TBC1D22A: variants seen among roughly 807,000 people sequenced by gnomAD.
TBC1D22A encodes the protein putative GTPase activator.
In TBC1D22A, 38 loss-of-function variants were observed where a neutral mutation model predicts 60.2. The observed-to-expected ratio is 0.63, with a 90% CI of 0.49 to 0.83. TBC1D22A has a LOEUF of 0.83. Ranked by LOEUF, TBC1D22A falls within the 40% of genes least tolerant of loss-of-function variation. The probability of loss-of-function intolerance (pLI) is 0.00; values close to 1 mark genes in which losing one functional copy is unlikely to be tolerated. For missense variants in TBC1D22A, 628 were observed against 701.0 expected (o/e 0.90, Z 1.18); for synonymous variants, 302 against 281.7 (o/e 1.07, Z -0.72).
intron 4 of TBC1D22A, among the ~76,000 whole-genome samples, chr22:46,851,958 C>T (rs1167894802): frequency 2.0e-5 from 3 of 152,194 alleles, no homozygotes; most frequent in South Asian, 2.1e-4. Flanking sequence ...TCCTCACAGC[C>T]CCTGGCTTTG....
intron 9 of TBC1D22A, among the ~76,000 whole-genome samples, chr22:46,977,454 AG>A (rs1602763035): frequency 1.3e-5 from 2 of 152,220 alleles, no homozygotes; most frequent in East Asian, 3.9e-4. Context: ...GGTGGGATGG[AG>A]CAGGGGGAGT....
chr22:47,045,595 G>A (rs185506629), intron 11 of TBC1D22A, among the ~76,000 whole-genome samples: 5 of 152,314 alleles, frequency 3.3e-5, no homozygotes, highest in Non-Finnish European at 4.4e-5. Flanking sequence ...GCAGCAGAAC[G>A]GGCAGTGTTG....
In TBC1D22A at chr22:47,151,730, C is replaced by G. The variant is rs73889426; in HGVS notation, c.1426-21768C>G. ...GTGTGGTCACCAGTGACCTTACTCT[C>G]CTGGAAGCCCTGCGTCTGCTCTGGG... On this transcript the variant is annotated intron_variant, in intron 12 of 12. Transcript: ENST00000337137. Among the ~76,000 whole-genome samples the G allele has an allele frequency of 4.6e-3, 696 of 152,338 alleles. 8 individuals carry two copies. The highest frequency in any genetic ancestry group is 0.016 in the African/African-American group (654 of 41,572).
chr22:46,849,250 G>A (rs369594434), intron 4 of TBC1D22A, among the ~76,000 whole-genome samples: 75 of 152,286 alleles, frequency 4.9e-4, no homozygotes, highest in African/African-American at 1.6e-3. Flanking sequence ...GTCCAAGTGG[G>A]TCTCCAGACG....
intron 10 of TBC1D22A, among the ~76,000 whole-genome samples, chr22:47,030,263 C>T (rs1173042722): frequency 1.3e-5 from 2 of 152,178 alleles, no homozygotes; most frequent in Non-Finnish European, 2.9e-5. Context: ...TTTTCTTTGT[C>T]AGGTGTCTAA....
At chr22:46,837,991 C>T (rs563176585) in intron 4 of TBC1D22A, among the ~76,000 whole-genome samples, 92 of 152,194 alleles carry the variant, frequency 6.0e-4, no homozygotes, top group South Asian at 6.2e-4. Context: ...ACCTGGGAGG[C>T]GGAGGTTGCA....
chr22:46,856,366 C>T (rs2087569678), intron 4 of TBC1D22A, among the ~76,000 whole-genome samples: 1 of 152,202 alleles, frequency 6.6e-6, no homozygotes, highest in East Asian at 1.9e-4. Context: ...CTGCTAACCT[C>T]AGAAGGGGTT....
At chr22:46,995,750 C>A (rs1212689363) in intron 9 of TBC1D22A, among the ~76,000 whole-genome samples, 7 of 152,128 alleles carry the variant, frequency 4.6e-5, no homozygotes, top group Non-Finnish European at 1.0e-4. Flanking sequence ...CACCCTTCCT[C>A]CACCTGCGGA....
intron 12 of TBC1D22A, among the ~76,000 whole-genome samples, chr22:47,138,926 C>A (rs1274263111): frequency 6.6e-6 from 1 of 152,202 alleles, no homozygotes; most frequent in Non-Finnish European, 1.5e-5. Flanking sequence ...TTCCCAAAGA[C>A]CCCGCTTCCT....
chr22:46,969,114 C>G (rs1338825276), intron 8 of TBC1D22A, among the ~76,000 whole-genome samples: 1 of 152,066 alleles, frequency 6.6e-6, no homozygotes, highest in Non-Finnish European at 1.5e-5. Flanking sequence ...AAAACATTCA[C>G]AAGGGGAGTA....
chr22:47,082,034 T>G (rs1170366482), intron 11 of TBC1D22A, among the ~76,000 whole-genome samples: 1 of 152,116 alleles, frequency 6.6e-6, no homozygotes, highest in East Asian at 1.9e-4. Flanking sequence ...GACGCATGCC[T>G]GTAGTCCCAG....
At chr22:47,085,567 A>C (rs1385753016) in intron 11 of TBC1D22A, among the ~76,000 whole-genome samples, 1 of 152,220 alleles carries the variant, frequency 6.6e-6, no homozygotes, top group Non-Finnish European at 1.5e-5. Context: ...AATAGGAGTG[A>C]TAGTATTCAG....
At chr22:47,042,496 A>T (rs131890) in intron 11 of TBC1D22A, among the ~76,000 whole-genome samples, 1 of 152,046 alleles carries the variant, frequency 6.6e-6, no homozygotes, top group Admixed American at 6.5e-5. Flanking sequence ...ACTCAGCATC[A>T]CAGCCTTCTG....
At chr22:47,060,594 C>A (rs540718442) in intron 11 of TBC1D22A, among the ~76,000 whole-genome samples, 3 of 152,158 alleles carry the variant, frequency 2.0e-5, no homozygotes, top group Non-Finnish European at 4.4e-5. Context: ...CCACGCCCAC[C>A]TAATTTTTTG....
chr22:46,977,946 TGG>T (rs2148148092), intron 9 of TBC1D22A, among the ~76,000 whole-genome samples: 1 of 152,326 alleles, frequency 6.6e-6, no homozygotes, highest in Non-Finnish European at 1.5e-5. Context: ...GAGATTTGGG[TGG>T]GGACACAGAT....
intron 11 of TBC1D22A, among the ~76,000 whole-genome samples, chr22:47,100,658 T>A (rs2065378498): frequency 6.6e-6 from 1 of 152,240 alleles, no homozygotes; most frequent in African/African-American, 2.4e-5. Flanking sequence ...ACCATCCACG[T>A]AAGACGTGAC....
chr22:47,125,124 C>G lies in TBC1D22A; in HGVS notation c.1425+13521C>G, dbSNP rs141955868. On this transcript the variant is annotated intron_variant, in intron 12 of 12. Transcript: ENST00000337137. The stretch of plus-strand genomic sequence containing the variant: ...CATGGGGCAGCGCCCTCCAGAGACC[C>G]AGGCAAGGGGCGACATCTCTGCCCC... 4.5e-3 allele frequency among the ~76,000 whole-genome samples: 686 copies of G among 152,222 alleles called. 6 individuals are homozygous for G. Among genetic ancestry groups the G allele is most frequent in the Middle Eastern group, 0.024 (7 of 294 alleles).
At chr22:47,036,800 TG>T (rs1569366638) in intron 10 of TBC1D22A, among the ~76,000 whole-genome samples, 1 of 152,238 alleles carries the variant, frequency 6.6e-6, no homozygotes, top group Non-Finnish European at 1.5e-5. Flanking sequence ...CCCATCTTCC[TG>T]GGTGTTAGGG....
chr22:46,931,396 A>G (rs2071347401), intron 8 of TBC1D22A, among the ~76,000 whole-genome samples: 1 of 152,206 alleles, frequency 6.6e-6, no homozygotes, highest in African/African-American at 2.4e-5. Flanking sequence ...CAGTTTTAAA[A>G]TTACAGTCAT....
Sources: allele counts gnomAD v4.1 joint callset (sites outside exome capture counted in the v4.1 genomes callset), GRCh38; gene constraint gnomAD v4.1.1; transcripts MANE v1.5; gene names NCBI Gene and HGNC (gene_info 2026-07-23, HGNC 2026-07-21).